ARL5A: variants seen among roughly 807,000 people sequenced by gnomAD.
ARL5A encodes ARF like GTPase 5A.
ARL5A carries 18 observed loss-of-function variants against 25.9 expected under a neutral mutation model. That is an observed-to-expected ratio of 0.69 (90% CI 0.48 to 1.03). The LOEUF is 1.03. ARL5A is among the 50% of genes least tolerant of loss of function. The probability of loss-of-function intolerance (pLI) is 0.00; values close to 1 mark genes in which losing one functional copy is unlikely to be tolerated. For missense variants in ARL5A, 170 were observed against 211.9 expected (o/e 0.80, Z 1.23); for synonymous variants, 61 against 67.5 (o/e 0.90, Z 0.47).
In ARL5A at chr2:151,824,766, GAACT is replaced by G. The variant is rs903819548; in HGVS notation, c.46+3361_46+3364del. On this transcript the variant is annotated intron_variant, in intron 1 of 5. Coordinates refer to ENST00000295087, the MANE Select transcript of ARL5A (RefSeq NM_012097.4). ...ATGTGCGTGCGTGCATGTGTGTGTA[GAACT>G]AACTCTGGCACTAGATAATCTTGTT... 2.5e-4 allele frequency among the ~76,000 whole-genome samples: 38 copies of G among 152,284 alleles called. No homozygotes were observed. In the South Asian group the frequency reaches 2.7e-3, roughly 11 times the overall value.
chr2:151,820,660 C>CA (rs71410438), intron 1 of ARL5A, among the ~76,000 whole-genome samples: 3,075 of 44,914 alleles, frequency 0.068, 461 homozygotes, highest in African/African-American at 0.2. Flanking sequence ...ATCCTGTCTC[C>CA]AAAAAAAAAA....
intron 5 of ARL5A, 118 bp downstream of exon 5, chr2:151,806,703 G>T: frequency 9.9e-7 from 1 of 1,013,332 alleles, no homozygotes; most frequent in South Asian, 1.9e-5. Flanking sequence ...TACAGCTTAC[G>T]TCTGTCCCTT....
At chr2:151,821,526 C>A (rs1336468877) in intron 1 of ARL5A, among the ~76,000 whole-genome samples, 14 of 152,226 alleles carry the variant, frequency 9.2e-5, no homozygotes, top group Admixed American at 8.5e-4. Flanking sequence ...CAAACACCTA[C>A]AAACTACATT....
chr2:151,823,077 T>C (rs1341194213), intron 1 of ARL5A, among the ~76,000 whole-genome samples: 1 of 152,228 alleles, frequency 6.6e-6, no homozygotes, highest in Non-Finnish European at 1.5e-5. Flanking sequence ...TGGAGAGTCC[T>C]CTTGATTCAT....
chr2:151,815,886 T>C (rs1227421031), intron 1 of ARL5A, among the ~76,000 whole-genome samples: 1 of 152,094 alleles, frequency 6.6e-6, no homozygotes, highest in African/African-American at 2.4e-5. Context: ...TGCACCCTCT[T>C]CACATTTCAG....
intron 4 of ARL5A, among the ~76,000 whole-genome samples, chr2:151,809,564 T>G (rs2099830553): frequency 6.6e-6 from 1 of 152,174 alleles, no homozygotes; most frequent in Non-Finnish European, 1.5e-5. Flanking sequence ...ATAGATATAT[T>G]AAATTAAGGC....
rs2099829081 is a variant in ARL5A at position 151,799,125 on chromosome 2, A to C, written c.*4151T>G. The C allele has an allele frequency of 6.6e-6, 1 of 152,156 alleles. No individual in the cohort carries two copies. Among genetic ancestry groups the C allele is most frequent in the African/African-American group, 2.4e-5 (1 of 41,400 alleles). The allele number at this position is 152,156 out of a possible 1,614,324, so 9.4% of individuals were successfully genotyped here. A position where few individuals can be genotyped will look rare whatever the true frequency, so the allele number is the denominator to read the frequency against. On this transcript the variant is annotated 3_prime_UTR_variant, in exon 6 of 6. Coordinates refer to ENST00000295087, the MANE Select transcript of ARL5A (RefSeq NM_012097.4). ...CTTTTTACTCTATTATCATGGTCTT[A>C]AAATAATCTATCGCACATTCTTTGA...
rs955283549 is a variant in ARL5A at position 151,800,925 on chromosome 2, C to T, written c.*2351G>A. 1.3e-5 allele frequency: 2 copies of T among 152,556 alleles called. No individual in the cohort carries two copies. Among genetic ancestry groups the T allele is most frequent in the Admixed American group, 6.5e-5 (1 of 15,272 alleles). 9.5% of individuals were successfully genotyped at this position (152,556 alleles called of 1,614,324 possible). A position where few individuals can be genotyped will look rare whatever the true frequency, so the allele number is the denominator to read the frequency against. On this transcript the variant is annotated 3_prime_UTR_variant, in exon 6 of 6. Coordinates refer to ENST00000295087, the MANE Select transcript of ARL5A (RefSeq NM_012097.4). ...ACTCAGAAGTGGCATATTAAAAACC[C>T]AAAAGCATCTCCCTCTGCTTAATTC...
chr2:151,813,558 TAA>T (rs2099831127), intron 3 of ARL5A, among the ~76,000 whole-genome samples: 1 of 152,224 alleles, frequency 6.6e-6, no homozygotes, highest in Non-Finnish European at 1.5e-5. Flanking sequence ...CTTAATGACT[TAA>T]AAGTCAGCTT....
intron 1 of ARL5A, among the ~76,000 whole-genome samples, chr2:151,819,292 C>T (rs953729132): frequency 2.6e-5 from 4 of 152,166 alleles, no homozygotes; most frequent in African/African-American, 7.2e-5. Context: ...TAGTTTGCTA[C>T]GGTTCTTTTA....
chr2:151,821,142 A>G (rs1399310011), intron 1 of ARL5A, among the ~76,000 whole-genome samples: 3 of 152,152 alleles, frequency 2.0e-5, no homozygotes, highest in Non-Finnish European at 4.4e-5. Context: ...AAACTTTCCA[A>G]TCATTTAACT....
intron 4 of ARL5A, among the ~76,000 whole-genome samples, chr2:151,809,410 A>G (rs1179062130): frequency 1.3e-5 from 2 of 152,220 alleles, no homozygotes; most frequent in African/African-American, 4.8e-5. Flanking sequence ...CTAGATCTAA[A>G]AGGTTCAAAC....
chr2:151,820,660 C>CAAAAAAAAAAAA (rs71410438), intron 1 of ARL5A, among the ~76,000 whole-genome samples: 2 of 45,060 alleles, frequency 4.4e-5, no homozygotes, highest in African/African-American at 2.0e-4. Context: ...ATCCTGTCTC[C>CAAAAAAAAAAAA]AAAAAAAAAA....
chr2:151,812,272 ATAGCACCCTCATGAGAAAC>A, intron 4 of ARL5A, 66 bp downstream of exon 4: 1 of 921,392 alleles, frequency 1.1e-6, no homozygotes, highest in South Asian at 1.8e-5. Flanking sequence ...TTTGAAATTG[ATAGCACCCTCATGAGAAAC>A]TAGAAAACAA....
intron 5 of ARL5A, 49 bp from the exon 6 acceptor site, chr2:151,803,373 T>C (rs763682431): frequency 5.0e-6 from 7 of 1,390,538 alleles, no homozygotes; most frequent in South Asian, 1.2e-5. Context: ...TAAGAAGCTA[T>C]GAGCAGCAAA....
chr2:151,801,016 A>G lies in ARL5A; in HGVS notation c.*2260T>C, dbSNP rs536217249. 295 of 152,734 alleles carry G rather than the reference A, an allele frequency of 1.9e-3. 1 individual carries two copies. The highest frequency in any genetic ancestry group is 6.9e-3 in the African/African-American group (287 of 41,574). 9.5% of individuals were successfully genotyped at this position (152,734 alleles called of 1,614,324 possible). A position where few individuals can be genotyped will look rare whatever the true frequency, so the allele number is the denominator to read the frequency against. ...AGCTTCTCCATTTTATTTGAAAATA[A>G]TACTTTTAAAATGATTTTGACATTT... On this transcript the variant is annotated 3_prime_UTR_variant, in exon 6 of 6. Transcript: ENST00000295087.
Position 151,812,088 on chromosome 2 carries a change from T to C in ARL5A, c.339+269A>G, listed in dbSNP as rs186409973. Among the ~76,000 whole-genome samples, 399 of 152,304 alleles carry C rather than the reference T, an allele frequency of 2.6e-3. 2 individuals are homozygous for C. The highest frequency in any genetic ancestry group is 9.1e-3 in the African/African-American group (380 of 41,574). On this transcript the variant is annotated intron_variant, in intron 4 of 5. Coordinates refer to ENST00000295087, the MANE Select transcript of ARL5A (RefSeq NM_012097.4). ...CAAAATGCAAAATGAAAGCCACTTATAGAAATTACTTTTGCCCAGGAAAAT... is the reference window on the plus strand; with the variant it reads ...CAAAATGCAAAATGAAAGCCACTTACAGAAATTACTTTTGCCCAGGAAAAT...
intron 2 of ARL5A, 143 bp downstream of exon 2, chr2:151,814,996 T>C: frequency 1.5e-6 from 1 of 657,656 alleles, no homozygotes; most frequent in South Asian, 1.9e-5. Flanking sequence ...TGCTGAGATC[T>C]GGCTCCAGGT....
chr2:151,803,236 C>A lies in ARL5A; in HGVS notation c.*40G>T. 1.3e-6 allele frequency: 2 copies of A among 1,526,250 alleles called. No individual in the cohort carries two copies. The highest frequency in any genetic ancestry group is 1.8e-6 in the Non-Finnish European group (2 of 1,104,264). The allele number at this position is 1,526,250 out of a possible 1,614,324, so 94.5% of individuals were successfully genotyped here. On this transcript the variant is annotated 3_prime_UTR_variant, in exon 6 of 6. Coordinates refer to ENST00000295087, the MANE Select transcript of ARL5A (RefSeq NM_012097.4). ...TGCAGCTTTCAGGTAAAGTCCAGCACTTCATTTATACAAAATCTATGAGAA... is the reference window on the plus strand; with the variant it reads ...TGCAGCTTTCAGGTAAAGTCCAGCAATTCATTTATACAAAATCTATGAGAA...
Sources: allele counts gnomAD v4.1 joint callset (sites outside exome capture counted in the v4.1 genomes callset), GRCh38; gene constraint gnomAD v4.1.1; transcripts MANE v1.5; gene names NCBI Gene and HGNC (gene_info 2026-07-23, HGNC 2026-07-21).